EED: variants seen among roughly 807,000 people sequenced by gnomAD.
The protein encoded by EED is embryonic ectoderm development, also known as polycomb protein EED.
EED carries 9 observed loss-of-function variants against 61.0 expected under a neutral mutation model. That is an observed-to-expected ratio of 0.15 (90% CI 0.09 to 0.26). EED has a LOEUF of 0.26. Ranked by LOEUF, EED falls within the 10% of genes least tolerant of loss-of-function variation. The pLI, the probability that EED is intolerant of heterozygous loss-of-function variation, is 1.00. For missense variants in EED, 315 were observed against 542.3 expected, an observed-to-expected ratio of 0.58 and a Z score of 4.16; for synonymous variants, 187 against 174.4, an observed-to-expected ratio of 1.07 and a Z score of -0.57.
chr11:86,244,979 G>A lies in EED; in HGVS notation c.-251G>A, dbSNP rs1046733495. ...GAGGGCGGCGGGAAAAGGGCAAGAC[G>A]GGAGTTGGGGAAGGGAAGGAGCCAG... On this transcript the variant is annotated 5_prime_UTR_variant, in exon 1 of 12. Coordinates refer to ENST00000263360, the MANE Select transcript of EED (RefSeq NM_003797.5). The A allele has an allele frequency of 9.3e-6, 4 of 431,102 alleles. No individual in the cohort carries two copies. The highest frequency in any genetic ancestry group is 2.1e-5 in the African/African-American group (1 of 47,658). 26.7% of individuals were successfully genotyped at this position (431,102 alleles called of 1,614,324 possible).
chr11:86,252,048 G>T (rs1313708017), intron 2 of EED, 100 bp from the exon 3 acceptor site: 2 of 754,152 alleles, frequency 2.7e-6, no homozygotes, highest in South Asian at 2.4e-5. Context: ...ACAAAATAAT[G>T]TATTGCATTT....
rs759111079 is a variant in EED, at chr11:86,245,196, C to T, written c.-34C>T. The stretch of plus-strand genomic sequence containing the variant: ...CGGCGGTGTGGCGGAGGCCCCGCCC[C>T]AGGCGGCAGGAACCTGGAGGGAGGC... On this transcript the variant is annotated 5_prime_UTR_variant, in exon 1 of 12. Coordinates refer to ENST00000263360, the MANE Select transcript of EED (RefSeq NM_003797.5). 16 of 1,586,146 alleles carry T rather than the reference C, an allele frequency of 1.0e-5. No homozygotes were observed. The highest frequency in any genetic ancestry group is 8.9e-5 in the South Asian group (8 of 89,908).
chr11:86,275,367 G>A (rs79658602), intron 9 of EED, among the ~76,000 whole-genome samples: 4,744 of 152,252 alleles, frequency 0.031, 239 homozygotes, highest in African/African-American at 0.11. Flanking sequence ...GTGGTAGGCT[G>A]AACTGAAATA....
intron 5 of EED, 116 bp downstream of exon 5, chr11:86,256,628 A>G (rs74971473): frequency 0.026 from 26,875 of 1,045,498 alleles, 393 homozygotes; most frequent in Non-Finnish European, 0.03. Context: ...TTTGATTTGT[A>G]CTTTTCTTAC....
chr11:86,247,077 G>T (rs183407650), intron 1 of EED, among the ~76,000 whole-genome samples: 1 of 152,168 alleles, frequency 6.6e-6, no homozygotes, highest in Non-Finnish European at 1.5e-5. Flanking sequence ...TAATGAAACT[G>T]TCAGACCTGT....
intron 10 of EED, 173 bp downstream of exon 10, chr11:86,277,311 T>A: frequency 1.8e-6 from 1 of 540,986 alleles, no homozygotes; most frequent in Non-Finnish European, 3.0e-6. Context: ...TTATTCATTC[T>A]ACTTTTGTGG....
intron 9 of EED, among the ~76,000 whole-genome samples, chr11:86,273,990 G>T (rs1019953450): frequency 6.6e-6 from 1 of 152,174 alleles, no homozygotes; most frequent in African/African-American, 2.4e-5. Flanking sequence ...GGTTTGGAAA[G>T]TTTTCAGCCA....
downstream of EED, among the ~76,000 whole-genome samples, chr11:86,279,877 A>T (rs1215550398): frequency 6.6e-6 from 1 of 152,228 alleles, no homozygotes; most frequent in Non-Finnish European, 1.5e-5. Flanking sequence ...AACTTCAAGA[A>T]GTAAACCTTT....
chr11:86,286,908 C>T, the EED span, among the ~76,000 whole-genome samples: 1 of 135,796 alleles, frequency 7.4e-6, no homozygotes, highest in South Asian at 2.4e-4. Flanking sequence ...GGAGGTGGAG[C>T]TTGCAGTGAG....
At chr11:86,263,935 C>T (rs1945908820) in intron 6 of EED, 7 of 485,726 alleles carry the variant, frequency 1.4e-5, no homozygotes, top group Non-Finnish European at 2.6e-5. Context: ...ACCACTATTG[C>T]ATTGGGGATT....
chr11:86,279,210 T>C (rs1043869055), downstream of EED, among the ~76,000 whole-genome samples: 2 of 152,214 alleles, frequency 1.3e-5, no homozygotes, highest in African/African-American at 4.8e-5. Context: ...AACCTTTCTT[T>C]ATAGTTTAAA....
chr11:86,272,475 A>G (rs1946140819), intron 9 of EED, among the ~76,000 whole-genome samples: 1 of 152,206 alleles, frequency 6.6e-6, no homozygotes, highest in Admixed American at 6.5e-5. Flanking sequence ...GGAGCTTGAA[A>G]AGAATATGTA....
At chr11:86,257,358 T>C (rs79319849) in intron 5 of EED, among the ~76,000 whole-genome samples, 157 bp from the exon 6 acceptor site, 3,442 of 149,382 alleles carry the variant, frequency 0.023, 141 homozygotes, top group East Asian at 0.13. Context: ...TTTTTTTTTT[T>C]CCTTTTCACC....
the EED span, among the ~76,000 whole-genome samples, chr11:86,285,140 C>T: frequency 0.067 from 10,235 of 152,032 alleles, 793 homozygotes; most frequent in African/African-American, 0.18. Flanking sequence ...ACAGAAAAGG[C>T]TGGGCACGGT....
chr11:86,269,018 G>T (rs1459909405), intron 9 of EED, among the ~76,000 whole-genome samples: 2 of 152,096 alleles, frequency 1.3e-5, no homozygotes, highest in African/African-American at 4.8e-5. Flanking sequence ...CTCAACTTAT[G>T]ATGGGATTAC....
chr11:86,269,846 T>C, intron 9 of EED, among the ~76,000 whole-genome samples: 1 of 152,216 alleles, frequency 6.6e-6, no homozygotes, highest in East Asian at 1.9e-4. Flanking sequence ...TCCTTTTTTA[T>C]TGCTGAGTAG....
chr11:86,283,312 AT>A (rs1353499051), downstream of EED, among the ~76,000 whole-genome samples: 1 of 152,214 alleles, frequency 6.6e-6, no homozygotes, highest in Non-Finnish European at 1.5e-5. Context: ...AAGACTTTAG[AT>A]ATTGCAATTT....
intron 9 of EED, among the ~76,000 whole-genome samples, chr11:86,269,234 T>C (rs1946054872): frequency 6.6e-6 from 1 of 152,194 alleles, no homozygotes; most frequent in Non-Finnish European, 1.5e-5. Flanking sequence ...AATTCAAAAT[T>C]CCAAGTACTT....
At chr11:86,276,882 A>G in intron 9 of EED, 98 bp from the exon 10 acceptor site, 1 of 1,086,012 alleles carries the variant, frequency 9.2e-7, no homozygotes, top group Non-Finnish European at 1.2e-6. Flanking sequence ...AGGTTCTAAG[A>G]GCTGTGAATT....
Sources: gnomAD v4.1 joint callset for allele counts (sites outside exome capture counted in the v4.1 genomes callset) on GRCh38, gnomAD v4.1.1 for gene constraint, MANE v1.5 for transcripts, NCBI Gene and HGNC (gene_info 2026-07-23, HGNC 2026-07-21) for gene names.